Variants in EYS observed in about 807,000 individuals in gnomAD.
EYS encodes the protein EGF-like photoreceptor maintenance factor, also known as protein eyes shut homolog.
A neutral mutation model predicts 282.1 loss-of-function variants in EYS; 250 were observed. The observed-to-expected ratio is 0.89, with a 90% CI of 0.80 to 0.98. EYS has a LOEUF of 0.98. Among genes scored for constraint, EYS ranks in the 50% least tolerant of loss-of-function variants. The probability of loss-of-function intolerance (pLI) is 0.00; values close to 1 mark genes in which losing one functional copy is unlikely to be tolerated. For synonymous variants in EYS, 1,355 were observed against 1,282.9 expected, an observed-to-expected ratio of 1.06 and a Z score of -1.20; for missense variants, 4,016 against 3,709.0, an observed-to-expected ratio of 1.08 and a Z score of -2.15.
chr6:65,009,035 G>A (rs749739296), intron 13 of EYS, among the ~76,000 whole-genome samples: 2 of 152,116 alleles, frequency 1.3e-5, no homozygotes, highest in African/African-American at 2.4e-5. Flanking sequence ...AGACATTCTA[G>A]CAAAAGCAGG....
intron 34 of EYS, among the ~76,000 whole-genome samples, chr6:63,993,970 G>C (rs962982700): frequency 6.6e-6 from 1 of 151,854 alleles, no homozygotes; most frequent in African/African-American, 2.4e-5. Flanking sequence ...AAACATAAGA[G>C]GCTGTGAAAA....
At chr6:64,386,955 A>G (rs1156441123) in intron 29 of EYS, among the ~76,000 whole-genome samples, 2 of 152,114 alleles carry the variant, frequency 1.3e-5, no homozygotes, top group African/African-American at 2.4e-5. Flanking sequence ...TGGCTCCCCC[A>G]TTTAAGAAGT....
chr6:64,793,559 A>G (rs1774256250), intron 22 of EYS, among the ~76,000 whole-genome samples: 1 of 152,178 alleles, frequency 6.6e-6, no homozygotes, highest in Non-Finnish European at 1.5e-5. Context: ...TTGCAGATGT[A>G]ACTAGATCAC....
At chr6:64,969,334 C>T (rs1287184754) in intron 14 of EYS, among the ~76,000 whole-genome samples, 1 of 152,138 alleles carries the variant, frequency 6.6e-6, no homozygotes, top group African/African-American at 2.4e-5. Flanking sequence ...CAGAGAATGT[C>T]TTTGCAAATG....
chr6:65,062,977 C>T (rs115788350), intron 12 of EYS, among the ~76,000 whole-genome samples: 1,920 of 152,024 alleles, frequency 0.013, 19 homozygotes, highest in Admixed American at 0.025. Flanking sequence ...CTTTTCCATC[C>T]TTAGCTGTTG....
chr6:64,823,683 CA>C (rs1764965682), intron 19 of EYS, among the ~76,000 whole-genome samples: 1 of 151,982 alleles, frequency 6.6e-6, no homozygotes, highest in Admixed American at 6.6e-5. Flanking sequence ...AGGCAGATCT[CA>C]TTAACCTTAA....
At chr6:64,113,280 A>C (rs941478763) in intron 31 of EYS, among the ~76,000 whole-genome samples, 4 of 152,142 alleles carry the variant, frequency 2.6e-5, no homozygotes, top group African/African-American at 9.7e-5. Context: ...ACATTTAATC[A>C]CTGCAGTACT....
chr6:65,642,649 A>G (rs1215699536), intron 1 of EYS, among the ~76,000 whole-genome samples: 1 of 152,164 alleles, frequency 6.6e-6, no homozygotes, highest in Non-Finnish European at 1.5e-5. Context: ...TAGATAGGTC[A>G]ATACAAATAT....
intron 2 of EYS, among the ~76,000 whole-genome samples, chr6:65,637,032 T>C (rs1418114214): frequency 6.6e-6 from 1 of 152,196 alleles, no homozygotes; most frequent in Non-Finnish European, 1.5e-5. Flanking sequence ...TTGTGCAGGC[T>C]GGTCTTTAAG....
At chr6:64,381,715 G>T (rs918966190) in intron 29 of EYS, among the ~76,000 whole-genome samples, 2 of 152,060 alleles carry the variant, frequency 1.3e-5, no homozygotes, top group African/African-American at 4.8e-5. Context: ...TTGGTGTATT[G>T]GATATGTACA....
At chr6:64,382,877 G>A (rs550731246) in intron 29 of EYS, among the ~76,000 whole-genome samples, 1 of 152,212 alleles carries the variant, frequency 6.6e-6, no homozygotes, top group South Asian at 2.1e-4. Flanking sequence ...GGGAAGAGTG[G>A]TGGGTGGGAA....
chr6:64,051,215 G>A (rs1029947804), intron 33 of EYS, among the ~76,000 whole-genome samples: 1 of 152,100 alleles, frequency 6.6e-6, no homozygotes, highest in Non-Finnish European at 1.5e-5. Context: ...CTGTATACTA[G>A]CACTACATTA....
chr6:65,642,086 C>A (rs9453355), intron 1 of EYS, among the ~76,000 whole-genome samples: 1 of 151,938 alleles, frequency 6.6e-6, no homozygotes, highest in African/African-American at 2.4e-5. Context: ...TATATAGGGC[C>A]TCGAGGAGTT....
chr6:65,056,819 T>G (rs953361263), intron 13 of EYS, among the ~76,000 whole-genome samples: 3 of 152,082 alleles, frequency 2.0e-5, no homozygotes, highest in Non-Finnish European at 4.4e-5. Context: ...TAAATAACAT[T>G]TCTCATTTAA....
chr6:64,603,527 A>G (rs1766827288), intron 24 of EYS, among the ~76,000 whole-genome samples: 2 of 152,044 alleles, frequency 1.3e-5, no homozygotes. Context: ...AGTCTGGTGA[A>G]GTCTCTCTTA....
At chr6:64,833,176 C>A (rs1328591329) in intron 19 of EYS, among the ~76,000 whole-genome samples, 1 of 151,896 alleles carries the variant, frequency 6.6e-6, no homozygotes, top group Non-Finnish European at 1.5e-5. Context: ...ATGTACATCA[C>A]AATCTTTACA....
At chr6:63,991,153 T>C (rs1767586333) in intron 34 of EYS, among the ~76,000 whole-genome samples, 1 of 151,600 alleles carries the variant, frequency 6.6e-6, no homozygotes, top group Admixed American at 6.6e-5. Context: ...GAAAATCACT[T>C]TAATTGGGAG....
intron 15 of EYS, among the ~76,000 whole-genome samples, chr6:64,938,048 T>A (rs370819269): frequency 1.3e-5 from 2 of 151,650 alleles, no homozygotes; most frequent in East Asian, 3.9e-4. Context: ...TGATTCCATT[T>A]ATATGAAATG....
intron 14 of EYS, among the ~76,000 whole-genome samples, chr6:64,975,057 G>A (rs2150113165): frequency 6.6e-6 from 1 of 151,784 alleles, no homozygotes; most frequent in South Asian, 2.1e-4. Flanking sequence ...CATATATTTA[G>A]TAAAATATAC....
Sources: allele counts gnomAD v4.1 joint callset (sites outside exome capture counted in the v4.1 genomes callset), GRCh38; gene constraint gnomAD v4.1.1; transcripts MANE v1.5; gene names NCBI Gene and HGNC (gene_info 2026-07-23, HGNC 2026-07-21).